The following SUSD5 variants were observed in gnomAD, a reference collection of about 807,000 sequenced individuals.
The protein encoded by SUSD5 is sushi domain containing 5, also known as sushi domain-containing protein 5.
A neutral mutation model predicts 29.5 loss-of-function variants in SUSD5; 33 were observed. The ratio of observed to expected loss-of-function variants is 1.12; its 90% CI spans 0.85 to 1.49. The LOEUF is 1.49. SUSD5 is among the 40% of genes most tolerant of loss of function. The pLI is 0.00. For missense variants in SUSD5, 776 were observed against 800.6 expected, an observed-to-expected ratio of 0.97 and a Z score of 0.37; for synonymous variants, 308 against 325.3, an observed-to-expected ratio of 0.95 and a Z score of 0.57.
At chr3:33,214,225 A>G (rs970322475) in intron 1 of SUSD5, 120 bp from the exon 2 acceptor site, 2 of 853,376 alleles carry the variant, frequency 2.3e-6, no homozygotes, top group Admixed American at 3.5e-5. Context: ...GCCCAAGTGC[A>G]GCAACTACCA....
chr3:33,192,713 C>T (rs1292787649), intron 3 of SUSD5, among the ~76,000 whole-genome samples: 2 of 151,730 alleles, frequency 1.3e-5, no homozygotes, highest in Non-Finnish European at 2.9e-5. Context: ...GGAGGCTGAG[C>T]CACGAGAATC....
Position 33,201,987 on chromosome 3 carries a change from C to G in SUSD5, c.409+5821G>C, listed in dbSNP as rs562589550. Among the ~76,000 whole-genome samples the G allele has an allele frequency of 2.6e-5, 4 of 152,102 alleles. No homozygotes were observed. In the South Asian group the frequency reaches 8.3e-4, roughly 32 times the overall value. ...GGAAAAATATTCATCTCTTACCTAT[C>G]GTGATACACCGTTAACTCCTTGAGA... On this transcript the variant is annotated intron_variant, in intron 3 of 4. Transcript: ENST00000309558.
chr3:33,214,187 C>T, intron 1 of SUSD5, 82 bp from the exon 2 acceptor site: 3 of 1,390,646 alleles, frequency 2.2e-6, no homozygotes, highest in Non-Finnish European at 2.9e-6. Context: ...TGGCAGACGC[C>T]AGTTAGAACT....
intron 3 of SUSD5, among the ~76,000 whole-genome samples, chr3:33,192,031 T>C (rs754128365): frequency 7.9e-5 from 12 of 152,116 alleles, no homozygotes; most frequent in Non-Finnish European, 1.3e-4. Flanking sequence ...TTTGTAAACT[T>C]TGACAATTTT....
In SUSD5 at chr3:33,162,812, C is replaced by T. The variant is rs376190743; in HGVS notation, c.599-8779G>A. Among the ~76,000 whole-genome samples, 92 of 151,062 alleles carry T rather than the reference C, an allele frequency of 6.1e-4. No individual in the cohort carries two copies. In the East Asian group the frequency reaches 0.016, roughly 26 times the overall value. ...TACTAAAAATACAAAATTAGCAGGG[C>T]GTGGTGGCACATGCCTGTAATCTGA... On this transcript the variant is annotated intron_variant, in intron 4 of 4. Coordinates refer to ENST00000309558, the MANE Select transcript of SUSD5 (RefSeq NM_015551.2).
chr3:33,174,883 T>C lies in SUSD5; in HGVS notation c.598+3A>G, dbSNP rs1447909849. On this transcript the variant is annotated splice_donor_region_variant and intron_variant, in intron 4 of 4. Transcript: ENST00000309558. ...GAAGGTGGCCCATCCCTGGGCTGCT[T>C]ACCTTTCCCACAGGCCTGCACCAGG... The C allele has an allele frequency of 6.8e-6, 11 of 1,613,790 alleles. No homozygotes were observed. Among genetic ancestry groups the C allele is most frequent in the Non-Finnish European group, 8.5e-6 (10 of 1,179,792 alleles).
intron 2 of SUSD5, among the ~76,000 whole-genome samples, chr3:33,211,144 G>A (rs1008979369): frequency 1.3e-5 from 2 of 152,082 alleles, no homozygotes; most frequent in South Asian, 2.1e-4. Context: ...TCTGCCCGCC[G>A]TGGCCTCCCA....
intron 4 of SUSD5, among the ~76,000 whole-genome samples, chr3:33,173,347 A>G (rs1326499849): frequency 1.3e-5 from 2 of 152,246 alleles, no homozygotes; most frequent in Non-Finnish European, 1.5e-5. Flanking sequence ...CACATACTCC[A>G]TGGGCAGCAA....
intron 3 of SUSD5, among the ~76,000 whole-genome samples, chr3:33,194,872 T>C (rs1363372228): frequency 6.6e-6 from 1 of 152,210 alleles, no homozygotes; most frequent in Non-Finnish European, 1.5e-5. Context: ...TTTTTCTTTT[T>C]TCTTTGTTTA....
In SUSD5 at chr3:33,168,710, G is replaced by A. The variant is rs2031359607; in HGVS notation, c.598+6176C>T. The A allele has an allele frequency of 2.1e-5, 9 of 420,068 alleles. No individual in the cohort carries two copies. The South Asian group carries it at 9.0e-4, about 42-fold the overall frequency. The allele number at this position is 420,068 out of a possible 1,614,324, so 26.0% of individuals were successfully genotyped here. Reference sequence around the variant, plus strand: ...CGTTGCCCAGGCTGGAGTGCAGTGGGGTGATCTTGGCTCACTGTATCCTCC... The same window carrying A: ...CGTTGCCCAGGCTGGAGTGCAGTGGAGTGATCTTGGCTCACTGTATCCTCC... On this transcript the variant is annotated intron_variant, in intron 4 of 4. Transcript: ENST00000309558.
At chr3:33,199,214 TCACA>T (rs35522769) in intron 3 of SUSD5, among the ~76,000 whole-genome samples, 11,411 of 147,918 alleles carry the variant, frequency 0.077, 542 homozygotes, top group South Asian at 0.19. Flanking sequence ...GGGGAGAATT[TCACA>T]CACACACACA....
intron 4 of SUSD5, among the ~76,000 whole-genome samples, chr3:33,161,300 A>G (rs2031183162): frequency 6.7e-6 from 1 of 149,486 alleles, no homozygotes; most frequent in South Asian, 2.1e-4. Context: ...TGGTGTAACT[A>G]TTAATTAATA....
rs978395691 is a variant in SUSD5, at chr3:33,167,226, A to G, written c.598+7660T>C. ...AATATATATATAAAACATAAAGTCAAAAGGCACCTGGAACACAGGCAGAAG... is the reference window on the plus strand; with the variant it reads ...AATATATATATAAAACATAAAGTCAGAAGGCACCTGGAACACAGGCAGAAG... On this transcript the variant is annotated intron_variant, in intron 4 of 4. Transcript: ENST00000309558. The surrounding 1 kb of genome is among the most constrained non-coding windows in gnomAD (Gnocchi z 4.1). Among the ~76,000 whole-genome samples the G allele has an allele frequency of 6.6e-6, 1 of 151,668 alleles. No homozygotes were observed. The highest frequency in any genetic ancestry group is 1.5e-5 in the Non-Finnish European group (1 of 67,950).
chr3:33,189,017 C>T (rs1317777578), intron 3 of SUSD5, among the ~76,000 whole-genome samples: 1 of 152,146 alleles, frequency 6.6e-6, no homozygotes, highest in Non-Finnish European at 1.5e-5. Flanking sequence ...TGATTTCCAA[C>T]TTGTAGGGAT....
rs145749082 is a variant in SUSD5, at chr3:33,189,095, A to C, written c.410-14021T>G. 8.1e-4 allele frequency among the ~76,000 whole-genome samples: 124 copies of C among 152,338 alleles called. 4 individuals are homozygous for C. In the East Asian group the frequency reaches 0.022, roughly 27 times the overall value. ...TTCATATGCAAATAAACCCTGCGTC[A>C]ATCAACCAATAACTCTAAATCAATT... On this transcript the variant is annotated intron_variant, in intron 3 of 4. Coordinates refer to ENST00000309558, the MANE Select transcript of SUSD5 (RefSeq NM_015551.2).
chr3:33,150,479 T>C lies in SUSD5; in HGVS notation c.*2263A>G, dbSNP rs980802260. On this transcript the variant is annotated 3_prime_UTR_variant, in exon 5 of 5. Coordinates refer to ENST00000309558, the MANE Select transcript of SUSD5 (RefSeq NM_015551.2). ...CCCAATGCTGAGACAGAGGTTATTT[T>C]ATATAGTTAAAAATAGAAAAGTTAT... 3 of 152,236 alleles carry C rather than the reference T, an allele frequency of 2.0e-5. No individual in the cohort carries two copies. Among genetic ancestry groups the C allele is most frequent in the Non-Finnish European group, 4.4e-5 (3 of 68,046 alleles). The allele number at this position is 152,236 out of a possible 1,614,324, so 9.4% of individuals were successfully genotyped here.
At chr3:33,170,042 C>T (rs371407746) in intron 4 of SUSD5, among the ~76,000 whole-genome samples, 21 of 151,982 alleles carry the variant, frequency 1.4e-4, no homozygotes, top group East Asian at 7.7e-4. Flanking sequence ...CTCAGCCTCC[C>T]GAGTAGCTGG....
chr3:33,166,176 G>A (rs2031301395), intron 4 of SUSD5, among the ~76,000 whole-genome samples: 1 of 152,128 alleles, frequency 6.6e-6, no homozygotes, highest in African/African-American at 2.4e-5. Flanking sequence ...TCCAGATGTG[G>A]CTAATACAAG....
chr3:33,172,612 C>T (rs985879011), intron 4 of SUSD5, among the ~76,000 whole-genome samples: 2 of 152,184 alleles, frequency 1.3e-5, no homozygotes, highest in East Asian at 3.8e-4. Context: ...CCGCCTGGCA[C>T]AAAGCAACAG....
Sources: gnomAD v4.1 joint callset for allele counts (sites outside exome capture counted in the v4.1 genomes callset) on GRCh38, gnomAD v4.1.1 for gene constraint, Gnocchi (gnomAD v3.1) non-coding constraint, MANE v1.5 for transcripts, NCBI Gene and HGNC (gene_info 2026-07-23, HGNC 2026-07-21) for gene names.